CTNNA2: variants seen among roughly 807,000 people sequenced by gnomAD.
The protein encoded by CTNNA2 is catenin alpha-2.
In CTNNA2, 42 loss-of-function variants were observed where a neutral mutation model predicts 101.0. That is an observed-to-expected ratio of 0.42 (90% CI 0.32 to 0.54). CTNNA2 has a LOEUF of 0.54. CTNNA2 is among the 20% of genes least tolerant of loss of function. The pLI is 0.14. For missense variants in CTNNA2, 871 were observed against 1,223.1 expected (o/e 0.71, Z 4.29); for synonymous variants, 450 against 456.4 (o/e 0.99, Z 0.18).
intron 7 of CTNNA2, among the ~76,000 whole-genome samples, chr2:79,993,472 G>A (rs939531732): frequency 5.9e-5 from 9 of 152,196 alleles, no homozygotes; most frequent in African/African-American, 2.2e-4. Context: ...TTGCCCTCGG[G>A]CATCTTAAGA....
intron 7 of CTNNA2, among the ~76,000 whole-genome samples, chr2:80,244,381 A>G (rs181236625): frequency 1.2e-4 from 18 of 152,344 alleles, no homozygotes; most frequent in Admixed American, 3.3e-4. Context: ...AAATGCCTAG[A>G]GCAGAATTCC....
intron 2 of CTNNA2, among the ~76,000 whole-genome samples, chr2:79,279,926 C>A (rs1675317582): frequency 6.6e-6 from 1 of 152,054 alleles, no homozygotes; most frequent in Admixed American, 6.6e-5. Flanking sequence ...CCTTATTGGG[C>A]CATGGAAATC....
chr2:79,463,791 G>A (rs62157006), intron 4 of CTNNA2, among the ~76,000 whole-genome samples: 10,454 of 152,146 alleles, frequency 0.069, 744 homozygotes, highest in African/African-American at 0.19. Context: ...AATGTAGCTT[G>A]TGCCCATAGA....
At chr2:80,597,454 A>G (rs1697082139) in intron 15 of CTNNA2, among the ~76,000 whole-genome samples, 1 of 152,226 alleles carries the variant, frequency 6.6e-6, no homozygotes, top group African/African-American at 2.4e-5. Flanking sequence ...CAATTGTAAC[A>G]AAAACCAAAA....
intron 2 of CTNNA2, among the ~76,000 whole-genome samples, chr2:79,658,492 CT>C (rs1029077115): frequency 6.6e-6 from 1 of 151,884 alleles, no homozygotes; most frequent in Non-Finnish European, 1.5e-5. Context: ...CATTTGGATA[CT>C]TTTTAGAAAA....
Position 79,935,084 on chromosome 2 carries a change from C to T in CTNNA2, c.1056+25287C>T, listed in dbSNP as rs188316087. Among the ~76,000 whole-genome samples the T allele has an allele frequency of 4.7e-3, 722 of 152,284 alleles. 8 individuals carry two copies. Among genetic ancestry groups the T allele is most frequent in the Middle Eastern group, 0.01 (3 of 294 alleles). ...ATCTCCTTGACGGACACCCATCTTCCTCCCTAATGAATAATAACAACAATG... is the reference window on the plus strand; with the variant it reads ...ATCTCCTTGACGGACACCCATCTTCTTCCCTAATGAATAATAACAACAATG... On this transcript the variant is annotated intron_variant, in intron 7 of 18. Transcript: ENST00000402739.
intron 7 of CTNNA2, among the ~76,000 whole-genome samples, chr2:80,265,122 C>T (rs1672907400): frequency 6.6e-6 from 1 of 151,750 alleles, no homozygotes; most frequent in African/African-American, 2.4e-5. Context: ...TTACAGGCGC[C>T]CACCACCACA....
chr2:80,135,418 G>A (rs1345348073), intron 7 of CTNNA2, among the ~76,000 whole-genome samples: 1 of 152,196 alleles, frequency 6.6e-6, no homozygotes, highest in Non-Finnish European at 1.5e-5. Context: ...TTGTCGTAGA[G>A]TTTTGAGGTG....
chr2:79,224,445 T>C (rs1434196), intron 2 of CTNNA2, among the ~76,000 whole-genome samples: 125,329 of 152,152 alleles, frequency 0.82, 52,044 homozygotes, highest in East Asian at 0.99. Flanking sequence ...CTCTTTGATT[T>C]ATCAGTTACC....
intron 1 of CTNNA2, among the ~76,000 whole-genome samples, chr2:79,580,368 TGCAGTGGTGGAAGCCGGAATGACTCTTA>T (rs1260344519): frequency 6.6e-6 from 1 of 152,136 alleles, no homozygotes; most frequent in Non-Finnish European, 1.5e-5. Context: ...CGCCAAAGAA[TGCAGTGGTGGAAGCCGGAATGACTCTTA>T]GCTGACGGCC....
chr2:80,489,650 T>G (rs547607199), intron 9 of CTNNA2, among the ~76,000 whole-genome samples: 1 of 152,346 alleles, frequency 6.6e-6, no homozygotes, highest in South Asian at 2.1e-4. Context: ...TTTTGAATAT[T>G]TTAATAGAAC....
intron 9 of CTNNA2, among the ~76,000 whole-genome samples, chr2:80,513,170 G>C (rs947457180): frequency 6.6e-6 from 1 of 152,122 alleles, no homozygotes; most frequent in East Asian, 1.9e-4. Flanking sequence ...CCAGAGGGGG[G>C]TCCTACACAT....
At chr2:80,622,151 C>T (rs1401233991) in intron 18 of CTNNA2, among the ~76,000 whole-genome samples, 1 of 151,828 alleles carries the variant, frequency 6.6e-6, no homozygotes, top group African/African-American at 2.4e-5. Context: ...GCTGACTGTA[C>T]TAGAGGAGAT....
At chr2:80,105,067 A>G (rs1454277996) in intron 7 of CTNNA2, among the ~76,000 whole-genome samples, 1 of 152,214 alleles carries the variant, frequency 6.6e-6, no homozygotes, top group South Asian at 2.1e-4. Flanking sequence ...TTCAAAATGA[A>G]AGGAAAGCAA....
At chr2:79,720,728 A>G (rs149224320) in intron 2 of CTNNA2, among the ~76,000 whole-genome samples, 3 of 152,236 alleles carry the variant, frequency 2.0e-5, no homozygotes, top group African/African-American at 4.8e-5. Flanking sequence ...TTTTTTGTAC[A>G]TATCCAGGAA....
chr2:80,308,158 T>A (rs933919271), intron 7 of CTNNA2, among the ~76,000 whole-genome samples: 3 of 149,862 alleles, frequency 2.0e-5, no homozygotes, highest in Admixed American at 1.3e-4. Flanking sequence ...AACATACAAT[T>A]TTTTTTTTGG....
intron 1 of CTNNA2, among the ~76,000 whole-genome samples, chr2:79,583,792 C>G (rs1482023625): frequency 6.6e-6 from 1 of 152,110 alleles, no homozygotes; most frequent in Non-Finnish European, 1.5e-5. Flanking sequence ...CTTGGAGACT[C>G]TTATAGTGTC....
chr2:79,618,894 G>T (rs2104269876), intron 1 of CTNNA2, among the ~76,000 whole-genome samples: 1 of 152,270 alleles, frequency 6.6e-6, no homozygotes, highest in African/African-American at 2.4e-5. Context: ...AAATATATGG[G>T]TATGAGCACC....
At chr2:79,492,436 A>G (rs943707484) in intron 4 of CTNNA2, among the ~76,000 whole-genome samples, 3 of 151,994 alleles carry the variant, frequency 2.0e-5, no homozygotes, top group Non-Finnish European at 4.4e-5. Context: ...AATCAAACAT[A>G]TAGAATGTAT....
Sources: gnomAD v4.1 joint callset for allele counts (sites outside exome capture counted in the v4.1 genomes callset) on GRCh38, gnomAD v4.1.1 for gene constraint, MANE v1.5 for transcripts, NCBI Gene and HGNC (gene_info 2026-07-23, HGNC 2026-07-21) for gene names.